CFLAR: variants seen among roughly 807,000 people sequenced by gnomAD.
The protein encoded by CFLAR is CASP8 and FADD-like apoptosis regulator.
A neutral mutation model predicts 51.1 loss-of-function variants in CFLAR; 14 were observed. That is an observed-to-expected ratio of 0.27 (90% CI 0.18 to 0.43). The LOEUF is 0.43. CFLAR is among the 20% of genes least tolerant of loss of function. The pLI, the probability that CFLAR is intolerant of heterozygous loss-of-function variation, is 1.00. For missense variants in CFLAR, 390 were observed against 566.5 expected, an observed-to-expected ratio of 0.69 and a Z score of 3.16; for synonymous variants, 210 against 211.6, an observed-to-expected ratio of 0.99 and a Z score of 0.06.
In CFLAR at chr2:201,174,032, T is replaced by C. The variant is rs1042615146; in HGVS notation, c.*10059T>C. 6.6e-6 allele frequency: 1 copy of C among 152,258 alleles called. No homozygotes were observed. The highest frequency in any genetic ancestry group is 2.4e-5 in the African/African-American group (1 of 41,466). 9.4% of individuals were successfully genotyped at this position (152,258 alleles called of 1,614,324 possible). A position where few individuals can be genotyped will look rare whatever the true frequency, so the allele number is the denominator to read the frequency against. On this transcript the variant is annotated 3_prime_UTR_variant, in exon 10 of 10. Coordinates refer to ENST00000309955, the MANE Select transcript of CFLAR (RefSeq NM_003879.7). ...TTTAATATTCTGGATACTAGTTTCT[T>C]ATCAGGTACAATCTTTGTGAATATA...
chr2:201,126,448 G>A (rs1163410370), intron 1 of CFLAR, among the ~76,000 whole-genome samples: 1 of 152,140 alleles, frequency 6.6e-6, no homozygotes, highest in Non-Finnish European at 1.5e-5. Context: ...AAGTCCTTGC[G>A]GAAGGGCTGC....
At chr2:201,135,832 G>T in intron 3 of CFLAR, 140 bp from the exon 4 acceptor site, 1 of 1,130,250 alleles carries the variant, frequency 8.8e-7, no homozygotes, top group Non-Finnish European at 1.3e-6. Flanking sequence ...TCACTATTTT[G>T]CTCAGGCTGG....
intron 2 of CFLAR, among the ~76,000 whole-genome samples, chr2:201,130,700 G>A (rs181691935): frequency 1.3e-5 from 2 of 152,218 alleles, no homozygotes; most frequent in Admixed American, 1.3e-4. Flanking sequence ...GGGATCATAT[G>A]CAGGTAGAAG....
chr2:201,160,067 G>A (rs1379756864), intron 8 of CFLAR, among the ~76,000 whole-genome samples: 2 of 152,146 alleles, frequency 1.3e-5, no homozygotes, highest in African/African-American at 4.8e-5. Context: ...CCCAGAGTGA[G>A]CCACTCAGAA....
chr2:201,130,341 T>TTTTC (rs1559183073), intron 2 of CFLAR, among the ~76,000 whole-genome samples, 195 bp downstream of exon 2: 8 of 149,908 alleles, frequency 5.3e-5, no homozygotes, highest in Admixed American at 1.3e-4. Flanking sequence ...CTTGCTTTCT[T>TTTTC]TTTCTTTCTT....
At chr2:201,143,599 T>A (rs1447237150) in intron 5 of CFLAR, 1 of 152,194 alleles carries the variant, frequency 6.6e-6, no homozygotes, top group Non-Finnish European at 1.5e-5. Context: ...TTAATTCATA[T>A]GAGGCTGCAG....
rs540021408 is a variant in CFLAR, at chr2:201,166,617, G to T, written c.*2644G>T. 390 of 179,680 alleles carry T rather than the reference G, an allele frequency of 2.2e-3. 5 individuals carry two copies. Among genetic ancestry groups the T allele is most frequent in the East Asian group, 3.9e-3 (22 of 5,698 alleles). The allele number at this position is 179,680 out of a possible 1,614,324, so 11.1% of individuals were successfully genotyped here. On this transcript the variant is annotated 3_prime_UTR_variant, in exon 10 of 10. Transcript: ENST00000309955. ...GCACCCTGGGGGGCCAAGGCAGGCG[G>T]CTGGGAGGCGGAGGCCGTAGCCAGC...
In CFLAR at chr2:201,136,013, G is replaced by A; in HGVS notation, c.429G>A (p.Leu143=). 6.2e-7 allele frequency: 1 copy of A among 1,613,726 alleles called. No individual in the cohort carries two copies. The highest frequency in any genetic ancestry group is 8.5e-7 in the Non-Finnish European group (1 of 1,179,936). ...TGGTTGAGTTGGAGAAACTAAATCT[G>A]GTTGCCCCAGATCAACTGGATTTAT... is the stretch of plus-strand genomic sequence containing the variant. ...DLVVELEKLN[L]VAPDQLDLLE... is the part of the protein sequence containing the mutation. The change falls in exon 4 of 10, where the codon CTG becomes CTA. Residue 143 remains leucine, a synonymous_variant. Coordinates refer to ENST00000309955, the MANE Select transcript of CFLAR (RefSeq NM_003879.7).
At chr2:201,153,369 C>T (rs1381777854) in intron 8 of CFLAR, 2 of 152,240 alleles carry the variant, frequency 1.3e-5, no homozygotes, top group African/African-American at 4.8e-5. Context: ...GGCACAGTCT[C>T]CTCTCCTCAC....
chr2:201,137,469 G>A, intron 4 of CFLAR: 1 of 545,846 alleles, frequency 1.8e-6, no homozygotes. Context: ...CCTGAAGGTG[G>A]ACACTGGGGT....
At chr2:201,147,321 G>A (rs1400577234) in intron 6 of CFLAR, among the ~76,000 whole-genome samples, 2 of 151,962 alleles carry the variant, frequency 1.3e-5, no homozygotes, top group East Asian at 3.9e-4. Flanking sequence ...CTGAGGTCAG[G>A]AGTTCAAGAC....
chr2:201,156,819 AAGG>A (rs1475904212), intron 8 of CFLAR, among the ~76,000 whole-genome samples: 2 of 151,366 alleles, frequency 1.3e-5, no homozygotes, highest in African/African-American at 2.4e-5. Flanking sequence ...TGGGTTCTAG[AAGG>A]AGAAGTGGGT....
In CFLAR at chr2:201,166,152, G is replaced by T. The variant is rs1943526737; in HGVS notation, c.*2179G>T. ...AGGGGCTCCTCACTTCCCAGATGGG[G>T]CGGCCAGGCGGACGCGCCCCCCACC... is the stretch of plus-strand genomic sequence containing the variant. On this transcript the variant is annotated 3_prime_UTR_variant, in exon 10 of 10. Transcript: ENST00000309955. 6.0e-6 allele frequency: 1 copy of T among 167,080 alleles called. No homozygotes were observed. Among genetic ancestry groups the T allele is most frequent in the South Asian group, 1.5e-4 (1 of 6,860 alleles). 10.3% of individuals were successfully genotyped at this position (167,080 alleles called of 1,614,324 possible). A position where few individuals can be genotyped will look rare whatever the true frequency, so the allele number is the denominator to read the frequency against.
chr2:201,123,259 T>C (rs984703847), intron 1 of CFLAR, among the ~76,000 whole-genome samples: 1 of 152,232 alleles, frequency 6.6e-6, no homozygotes, highest in Non-Finnish European at 1.5e-5. Context: ...TGGTTGGAAT[T>C]TGTGGGAGCT....
chr2:201,140,055 T>G, intron 4 of CFLAR: 2 of 266,074 alleles, frequency 7.5e-6, no homozygotes, highest in South Asian at 5.5e-5. Context: ...CGACCCGACA[T>G]AAACGCTGCA....
At chr2:201,159,882 G>A (rs1292380033) in intron 8 of CFLAR, among the ~76,000 whole-genome samples, 2 of 152,152 alleles carry the variant, frequency 1.3e-5, no homozygotes, top group Admixed American at 6.5e-5. Flanking sequence ...GTGAAGTTGT[G>A]GTCAGTTGTC....
rs1284038625 is a variant in CFLAR at position 201,129,747 on chromosome 2, G to A, written c.-119G>A. The A allele has an allele frequency of 1.1e-6, 1 of 941,908 alleles. No homozygotes were observed. Among genetic ancestry groups the A allele is most frequent in the Non-Finnish European group, 1.6e-6 (1 of 616,674 alleles). 58.3% of individuals were successfully genotyped at this position (941,908 alleles called of 1,614,324 possible). ...ACCACAGAACTCCCCCACTGGAAAG[G>A]ATTCTGAAAGAAATGAAGTCAGCCC... On this transcript the variant is annotated 5_prime_UTR_variant, in exon 2 of 10. Transcript: ENST00000309955.
intron 3 of CFLAR, 87 bp from the exon 4 acceptor site, chr2:201,135,885 C>T: frequency 6.5e-7 from 1 of 1,531,922 alleles, no homozygotes; most frequent in African/African-American, 1.4e-5. Flanking sequence ...CCTCAGCCTC[C>T]CAAAGTGCTG....
In CFLAR at chr2:201,164,925, G is replaced by C. The variant is rs1207312774; in HGVS notation, c.*952G>C. On this transcript the variant is annotated 3_prime_UTR_variant, in exon 10 of 10. Transcript: ENST00000309955. ...TGTCAGTCTTTTGATGTTCTCACAT[G>C]GCAGAAAAAGAGGATGCAAACTCTC... is the stretch of plus-strand genomic sequence containing the variant. The C allele has an allele frequency of 2.6e-5, 4 of 152,070 alleles. No homozygotes were observed. Among genetic ancestry groups the C allele is most frequent in the Non-Finnish European group, 5.9e-5 (4 of 68,034 alleles). The allele number at this position is 152,070 out of a possible 1,614,324, so 9.4% of individuals were successfully genotyped here. A position where few individuals can be genotyped will look rare whatever the true frequency, so the allele number is the denominator to read the frequency against.
Sources: allele counts gnomAD v4.1 joint callset (sites outside exome capture counted in the v4.1 genomes callset), GRCh38; gene constraint gnomAD v4.1.1; transcripts MANE v1.5; gene names NCBI Gene and HGNC (gene_info 2026-07-23, HGNC 2026-07-21).